Variants in KMT2D observed in about 807,000 individuals in gnomAD.
KMT2D encodes the protein histone-lysine N-methyltransferase 2D.
KMT2D carries 55 observed loss-of-function variants against 512.7 expected under a neutral mutation model. The ratio of observed to expected loss-of-function variants is 0.11; its 90% CI spans 0.09 to 0.13. KMT2D has a LOEUF of 0.13. Among genes scored for constraint, KMT2D ranks in the 10% least tolerant of loss-of-function variants. KMT2D has a pLI of 1.00. For synonymous variants in KMT2D, 2,995 were observed against 2,904.0 expected (o/e 1.03, Z -1.01); for missense variants, 6,061 against 7,127.9 (o/e 0.85, Z 5.39).
At chr12:49,035,934 G>C (rs1259189847) in intron 35 of KMT2D, 5 of 152,256 alleles carry the variant, frequency 3.3e-5, no homozygotes, top group Non-Finnish European at 4.4e-5. Context: ...GTTAAGAGGA[G>C]TACCGACCAG....
chr12:49,022,842 C>T lies in KMT2D; in HGVS notation c.16086G>A (p.Lys5362=), dbSNP rs1942392900. ...CGCCTGTGAAGGTGCTCTGATATGC[C>T]TTAGACATGCTGGTGCTGTTCAGGG... ...PHTLNSTSMS[K]AYQSTFTGET... is the part of the protein sequence containing the mutation. Residue 5362 remains lysine (K), a synonymous_variant, in exon 52 of 55, where the codon AAG becomes AAA. Transcript: ENST00000301067. This position sits in a 1 kb window ranked among gnomAD's most constrained non-coding sequence, Gnocchi z 8.6. 6.2e-7 allele frequency: 1 copy of T among 1,610,834 alleles called. No individual in the cohort carries two copies. Among genetic ancestry groups the T allele is most frequent in the Non-Finnish European group, 8.5e-7 (1 of 1,177,618 alleles).
At position 49,039,112 on chromosome 12, in the gene KMT2D, G is replaced by C; in HGVS notation, c.8366+110C>G. 2.0e-6 allele frequency: 3 copies of C among 1,528,638 alleles called. No homozygotes were observed. The highest frequency in any genetic ancestry group is 1.1e-5 in the South Asian group (1 of 88,016). The allele number at this position is 1,528,638 out of a possible 1,614,324, so 94.7% of individuals were successfully genotyped here. ...GGGAGAAAAGGAATGAGGAAGAAGAGAAAGTGATACTGGAAAAGGATTAGT... is the reference window on the plus strand; with the variant it reads ...GGGAGAAAAGGAATGAGGAAGAAGACAAAGTGATACTGGAAAAGGATTAGT... On this transcript the variant is annotated intron_variant, in intron 34 of 54. Coordinates refer to ENST00000301067, the MANE Select transcript of KMT2D (RefSeq NM_003482.4). This position sits in a 1 kb window ranked among gnomAD's most constrained non-coding sequence, Gnocchi z 5.0.
chr12:49,031,888 G>T lies in KMT2D; in HGVS notation c.12817C>A (p.Pro4273Thr), dbSNP rs201421392. Residue 4273 changes from proline (P) to threonine (T), a missense_variant, in exon 40 of 55, where the codon CCC becomes ACC. By Grantham distance (38) the Pro-to-Thr change is conservative (BLOSUM62 -1). This residue lies in a region of KMT2D where 1,600 missense variants were observed against 1,754.9 expected (regional missense o/e 0.91). Coordinates refer to ENST00000301067, the MANE Select transcript of KMT2D (RefSeq NM_003482.4). ...LGGFPGPQTG[P>T]LQELGAGPRP... is the part of the protein sequence containing the mutation. ...GGCCCTGCCCCTAGCTCCTGGAGGG[G>T]GCCTGTCTGTGGTCCAGGGAAGCCC... The T allele has an allele frequency of 3.9e-6, 6 of 1,533,326 alleles. No homozygotes were observed. The highest frequency in any genetic ancestry group is 5.3e-6 in the Non-Finnish European group (6 of 1,142,010). The allele number at this position is 1,533,326 out of a possible 1,614,324, so 95.0% of individuals were successfully genotyped here.
intron 1 of KMT2D, among the ~76,000 whole-genome samples, chr12:49,058,390 C>T (rs1938539106): frequency 6.6e-6 from 1 of 152,228 alleles, no homozygotes; most frequent in Non-Finnish European, 1.5e-5. Context: ...AGGCAAAACC[C>T]CTATTTTCTC....
Position 49,042,450 on chromosome 12 carries a change from T to C in KMT2D, c.5867+111A>G, listed in dbSNP as rs1328032460. ...AAGAGGAGGGTCACTAACAAGGGAATGGGGAGGAGCAGGGGAAGTGCTGCA... is the reference window on the plus strand; with the variant it reads ...AAGAGGAGGGTCACTAACAAGGGAACGGGGAGGAGCAGGGGAAGTGCTGCA... On this transcript the variant is annotated intron_variant, in intron 28 of 54. Coordinates refer to ENST00000301067, the MANE Select transcript of KMT2D (RefSeq NM_003482.4). This position sits in a 1 kb window ranked among gnomAD's most constrained non-coding sequence, Gnocchi z 4.4. The C allele has an allele frequency of 1.3e-6, 2 of 1,516,300 alleles. No individual in the cohort carries two copies. Among genetic ancestry groups the C allele is most frequent in the African/African-American group, 2.8e-5 (2 of 72,326 alleles). 93.9% of individuals were successfully genotyped at this position (1,516,300 alleles called of 1,614,324 possible).
rs1034928448 is a variant in KMT2D at position 49,020,952 on chromosome 12, T to C, written c.*828A>G. The C allele has an allele frequency of 5.1e-6, 1 of 195,316 alleles. No homozygotes were observed. Among genetic ancestry groups the C allele is most frequent in the Non-Finnish European group, 1.1e-5 (1 of 93,718 alleles). The allele number at this position is 195,316 out of a possible 1,614,324, so 12.1% of individuals were successfully genotyped here. Reference sequence around the variant, plus strand: ...CCATGCCCATAATTAAAAACAAAGATGGATTTTTTGTTGTTGTTTTTCTTC... The same window carrying C: ...CCATGCCCATAATTAAAAACAAAGACGGATTTTTTGTTGTTGTTTTTCTTC... On this transcript the variant is annotated 3_prime_UTR_variant, in exon 55 of 55. Coordinates refer to ENST00000301067, the MANE Select transcript of KMT2D (RefSeq NM_003482.4).
chr12:49,034,004 TC>T, intron 39 of KMT2D, 40 bp from the exon 40 acceptor site: 2 of 1,560,998 alleles, frequency 1.3e-6, no homozygotes, highest in Non-Finnish European at 8.7e-7. Flanking sequence ...TGGGGCATGC[TC>T]CCCCCATGCC....
Position 49,020,352 on chromosome 12 carries a change from A to C in KMT2D, c.*1428T>G, listed in dbSNP as rs1942257649. On this transcript the variant is annotated 3_prime_UTR_variant, in exon 55 of 55. Coordinates refer to ENST00000301067, the MANE Select transcript of KMT2D (RefSeq NM_003482.4). ...GGGTAATGGAGGGGGCCCCCCCACA[A>C]GGGGAGCTCCATGTGTCCGCCCCAC... The C allele has an allele frequency of 5.7e-6, 1 of 176,490 alleles. No homozygotes were observed. Among genetic ancestry groups the C allele is most frequent in the Non-Finnish European group, 1.2e-5 (1 of 82,040 alleles). 10.9% of individuals were successfully genotyped at this position (176,490 alleles called of 1,614,324 possible).
At position 49,044,963 on chromosome 12, in the gene KMT2D, G is replaced by A. The variant is rs1372867577; in HGVS notation, c.4744C>T (p.Pro1582Ser). 1.2e-6 allele frequency: 2 copies of A among 1,613,384 alleles called. No individual in the cohort carries two copies. Among genetic ancestry groups the A allele is most frequent in the South Asian group, 2.2e-5 (2 of 91,090 alleles). The change falls in exon 20 of 55, where the codon CCC (proline) becomes TCC (serine). Residue 1582 changes from proline (P) to serine (S), a missense_variant and splice_region_variant. This residue lies in a region of KMT2D where 640 missense variants were observed against 814.3 expected (regional missense o/e 0.79). Coordinates refer to ENST00000301067, the MANE Select transcript of KMT2D (RefSeq NM_003482.4). The surrounding 1 kb of genome is among the most constrained non-coding windows in gnomAD (Gnocchi z 6.4). ...LVPMKVKEPE[P>S]QYFRFEGVWL... is the part of the protein sequence containing the mutation. ...ACACCTTCGAAGCGAAAGTACTGGGGCTCTGCATAAGAGGAAAGAGTATGT... is the reference window on the plus strand; with the variant it reads ...ACACCTTCGAAGCGAAAGTACTGGGACTCTGCATAAGAGGAAAGAGTATGT...
Position 49,032,608 on chromosome 12 carries a change from C to T in KMT2D, c.12097G>A (p.Val4033Ile), listed in dbSNP as rs778746265. 27 of 1,613,830 alleles carry T rather than the reference C, an allele frequency of 1.7e-5. No individual in the cohort carries two copies. The highest frequency in any genetic ancestry group is 1.6e-4 in the Middle Eastern group (1 of 6,084). ...GGCCCCTCAGTGGCCTCTGAAGAAACGGCTGGGTCTACGGTGTTTTGTTCC... is the reference window on the plus strand; with the variant it reads ...GGCCCCTCAGTGGCCTCTGAAGAAATGGCTGGGTCTACGGTGTTTTGTTCC... Reference protein sequence around the residue: ...GKEQNTVDPAVSSEATEGPST... With the variant: ...GKEQNTVDPAISSEATEGPST... Residue 4033 changes from valine to isoleucine, a missense_variant, in exon 40 of 55, where the codon GTT (valine) becomes ATT (isoleucine). Val to Ile is a conservative substitution (Grantham distance 29). Coordinates refer to ENST00000301067, the MANE Select transcript of KMT2D (RefSeq NM_003482.4).
chr12:49,060,536 G>A lies in KMT2D; in HGVS notation c.-961C>T, dbSNP rs1226703465. Among the ~76,000 whole-genome samples the A allele has an allele frequency of 6.6e-6, 1 of 152,238 alleles. No individual in the cohort carries two copies. The highest frequency in any genetic ancestry group is 1.5e-5 in the Non-Finnish European group (1 of 68,032). On this transcript the variant is annotated 5_prime_UTR_variant, in exon 1 of 55. Transcript: ENST00000301067. Reference sequence around the variant, plus strand: ...GTCAGGAAACTGAGCGGAAAGTGGGGAACGAGGCAGCCATTTGCAACCGGA... The same window carrying A: ...GTCAGGAAACTGAGCGGAAAGTGGGAAACGAGGCAGCCATTTGCAACCGGA...
In KMT2D at chr12:49,038,847, A is replaced by T. The variant is rs2120504842; in HGVS notation, c.8509T>A (p.Phe2837Ile). Residue 2837 changes from phenylalanine to isoleucine, a missense_variant, in exon 35 of 55, where the codon TTT becomes ATT. Physicochemically the swap from Phe to Ile is conservative, Grantham distance 21. Around this residue, in one of 16 missense-constraint regions of KMT2D, gnomAD observed 527 missense variants for 578.9 expected, o/e 0.91. Coordinates refer to ENST00000301067, the MANE Select transcript of KMT2D (RefSeq NM_003482.4). This position sits in a 1 kb window ranked among gnomAD's most constrained non-coding sequence, Gnocchi z 5.7. ...TSMRFAMSAR[F>I]PSTPGPELGR... ...AGTTCAGGTCCAGGAGTTGATGGAA[A>T]GCGAGCTGACATGGCAAATCGCATG... The T allele has an allele frequency of 6.4e-7, 1 of 1,554,282 alleles. No homozygotes were observed. The highest frequency in any genetic ancestry group is 8.7e-7 in the Non-Finnish European group (1 of 1,148,432).
intron 48 of KMT2D, 89 bp from the exon 49 acceptor site, chr12:49,027,411 G>A: frequency 3.8e-6 from 4 of 1,060,312 alleles, no homozygotes; most frequent in Non-Finnish European, 4.0e-6. Flanking sequence ...CCTCCCAAAA[G>A]GCCTCCACAT....
In KMT2D at chr12:49,042,727, C is replaced by T; in HGVS notation, c.5782+14G>A. On this transcript the variant is annotated intron_variant, in intron 27 of 54. Coordinates refer to ENST00000301067, the MANE Select transcript of KMT2D (RefSeq NM_003482.4). This position sits in a 1 kb window ranked among gnomAD's most constrained non-coding sequence, Gnocchi z 4.4. ...TGGTTATGTCAGTCTTCAGACCACTCCCACCTGTATTACCTTGAAGAAAGG... is the reference window on the plus strand; with the variant it reads ...TGGTTATGTCAGTCTTCAGACCACTTCCACCTGTATTACCTTGAAGAAAGG... 6.2e-7 allele frequency: 1 copy of T among 1,611,578 alleles called. No homozygotes were observed. Among genetic ancestry groups the T allele is most frequent in the Non-Finnish European group, 8.5e-7 (1 of 1,178,270 alleles).
chr12:49,021,223 T>G lies in KMT2D; in HGVS notation c.*557A>C. The G allele has an allele frequency of 5.2e-6, 1 of 193,252 alleles. No individual in the cohort carries two copies. The allele number at this position is 193,252 out of a possible 1,614,324, so 12.0% of individuals were successfully genotyped here. On this transcript the variant is annotated 3_prime_UTR_variant, in exon 55 of 55. Coordinates refer to ENST00000301067, the MANE Select transcript of KMT2D (RefSeq NM_003482.4). ...GTGGAAAACAAGGAAACACAACCCA[T>G]AGAGAGACAGAAACACAGAGGAAAA...
intron 24 of KMT2D, 91 bp from the exon 25 acceptor site, chr12:49,043,519 C>A: frequency 6.3e-7 from 1 of 1,589,122 alleles, no homozygotes; most frequent in African/African-American, 1.3e-5. Flanking sequence ...AGGCCAGGAC[C>A]CTTGACCCCA....
rs2120577427 is a variant in KMT2D, at chr12:49,044,023, A to G, written c.5189-25T>C. 6.2e-7 allele frequency: 1 copy of G among 1,612,632 alleles called. No homozygotes were observed. The highest frequency in any genetic ancestry group is 8.5e-7 in the Non-Finnish European group (1 of 1,179,004). ...ACTGTGGACAGAACGGAAGTGTCAG[A>G]CTCGGGTTGAGAGCATGCTGCTCCC... On this transcript the variant is annotated intron_variant, in intron 22 of 54. Transcript: ENST00000301067. This position sits in a 1 kb window ranked among gnomAD's most constrained non-coding sequence, Gnocchi z 6.4.
At chr12:49,025,030 T>C (rs2137712589) in intron 49 of KMT2D, 84 bp from the exon 50 acceptor site, 1 of 1,470,286 alleles carries the variant, frequency 6.8e-7, no homozygotes, top group Non-Finnish European at 9.2e-7. Context: ...AGAACTGCAG[T>C]TTTCTGAGGC....
At chr12:49,045,459 C>T (rs1335020311) in intron 19 of KMT2D, among the ~76,000 whole-genome samples, 4 of 152,006 alleles carry the variant, frequency 2.6e-5, no homozygotes, top group Admixed American at 6.6e-5. Flanking sequence ...CTGGCTAACA[C>T]GGTGAAACCC....
Sources: gnomAD v4.1 joint callset for allele counts (sites outside exome capture counted in the v4.1 genomes callset) on GRCh38, gnomAD v4.1.1 for gene constraint, gnomAD v4.1.1 regional missense constraint, Gnocchi (gnomAD v3.1) non-coding constraint, MANE v1.5 for transcripts, NCBI Gene and HGNC (gene_info 2026-07-23, HGNC 2026-07-21) for gene names.